GATA3: variants seen among roughly 807,000 people sequenced by gnomAD.
GATA3 encodes the protein GATA binding protein 3, also known as trans-acting T-cell-specific transcription factor GATA-3.
GATA3 carries 6 observed loss-of-function variants against 36.0 expected under a neutral mutation model. That is an observed-to-expected ratio of 0.17 (90% CI 0.09 to 0.33). The LOEUF is 0.33. Among genes scored for constraint, GATA3 ranks in the 10% least tolerant of loss-of-function variants. The pLI, the probability that GATA3 is intolerant of heterozygous loss-of-function variation, is 1.00. For synonymous variants in GATA3, 326 were observed against 273.0 expected (o/e 1.19, Z -1.92); for missense variants, 514 against 610.1 (o/e 0.84, Z 1.66).
At chr10:8,050,470 T>C (rs1832455852), upstream of GATA3, 1 of 152,974 alleles carries the variant, frequency 6.5e-6, no homozygotes, top group African/African-American at 2.4e-5. Flanking sequence ...ACCGTTTTTA[T>C]TGACCGATCG....
upstream of GATA3, chr10:8,051,416 G>A (rs1181649254): frequency 2.8e-5 from 6 of 217,446 alleles, no homozygotes. Context: ...TCGGCTGCGG[G>A]ATGCTTGCTC....
In GATA3 at chr10:8,073,945, G is replaced by A. The variant is rs11567941; in HGVS notation, c.1257G>A (p.Thr419=). The A allele has an allele frequency of 0.041, 66,517 of 1,613,952 alleles. 1,685 individuals carry two copies. The highest frequency in any genetic ancestry group is 0.05 in the Non-Finnish European group (58,457 of 1,179,980). The change falls in exon 6 of 6, where the codon ACG becomes ACA. Residue 419 remains threonine, a synonymous_variant. Coordinates refer to ENST00000379328, the MANE Select transcript of GATA3 (RefSeq NM_001002295.2). Reference sequence around the variant, plus strand: ...GCCACTCCAGCCACATGCTGACCACGCCCACGCCGATGCACCCGCCATCCA... The same window carrying A: ...GCCACTCCAGCCACATGCTGACCACACCCACGCCGATGCACCCGCCATCCA... ...PFSHSSHMLT[T]PTPMHPPSSL...
At chr10:8,063,613 G>T (rs1832784734) in intron 3 of GATA3, among the ~76,000 whole-genome samples, 2 of 152,118 alleles carry the variant, frequency 1.3e-5, no homozygotes, top group Admixed American at 6.5e-5. Context: ...GAAATGAATG[G>T]AATGTTTGCC....
At position 8,055,781 on chromosome 10, in the gene GATA3, G is replaced by A. The variant is rs1459382370; in HGVS notation, c.126G>A (p.Pro42=). 3 of 1,592,258 alleles carry A rather than the reference G, an allele frequency of 1.9e-6. No individual in the cohort carries two copies. Among genetic ancestry groups the A allele is most frequent in the Non-Finnish European group, 2.6e-6 (3 of 1,169,536 alleles). The change falls in exon 2 of 6, where the codon CCG becomes CCA. Residue 42 remains proline (P), a synonymous_variant. Coordinates refer to ENST00000379328, the MANE Select transcript of GATA3 (RefSeq NM_001002295.2). The surrounding 1 kb of genome is among the most constrained non-coding windows in gnomAD (Gnocchi z 5.4). ...CCTACATGGACGCGGCGCAGTACCC[G>A]CTGCCGGAGGAGGTGGATGTGCTTT... ...SHSYMDAAQY[P]LPEEVDVLFN...
chr10:8,060,758 ACT>A (rs1335309384), intron 3 of GATA3, among the ~76,000 whole-genome samples: 1 of 151,558 alleles, frequency 6.6e-6, no homozygotes, highest in Non-Finnish European at 1.5e-5. Context: ...TTTCCATAAG[ACT>A]CTGAACATGG....
At chr10:8,069,695 G>A (rs2131512896) in intron 5 of GATA3, 97 bp downstream of exon 5, 3 of 1,393,776 alleles carry the variant, frequency 2.2e-6, no homozygotes, top group Non-Finnish European at 2.0e-6. Flanking sequence ...CGCTCACCAT[G>A]GGGGCAGATG....
chr10:8,073,217 C>T (rs74354068), intron 5 of GATA3, among the ~76,000 whole-genome samples: 2 of 144,952 alleles, frequency 1.4e-5, no homozygotes, highest in East Asian at 4.3e-4. Context: ...AACCCGGCTA[C>T]ATATAAATTC....
At chr10:8,058,269 CCTT>C (rs769836857) in intron 2 of GATA3, 33 bp from the exon 3 acceptor site, 2 of 1,611,476 alleles carry the variant, frequency 1.2e-6, no homozygotes, top group South Asian at 2.2e-5. Context: ...CACTCACCCT[CCTT>C]CTCTCTCCTG....
At position 8,059,073 on chromosome 10, in the gene GATA3, G is replaced by A. The variant is rs11567903; in HGVS notation, c.778+232G>A. Among the ~76,000 whole-genome samples the A allele has an allele frequency of 2.5e-3, 379 of 152,300 alleles. 1 individual carries two copies. The highest frequency in any genetic ancestry group is 8.7e-3 in the African/African-American group (362 of 41,572). ...GATCTGATTTAAAACCCCCCAATGAGCTGGGATAGGAAAAAAGACAAACAA... is the reference window on the plus strand; with the variant it reads ...GATCTGATTTAAAACCCCCCAATGAACTGGGATAGGAAAAAAGACAAACAA... On this transcript the variant is annotated intron_variant, in intron 3 of 5. Transcript: ENST00000379328.
chr10:8,063,284 C>T (rs964175410), intron 3 of GATA3, among the ~76,000 whole-genome samples: 1 of 152,134 alleles, frequency 6.6e-6, no homozygotes, highest in Non-Finnish European at 1.5e-5. Flanking sequence ...CCCCCTTGCA[C>T]CCCCTGGCTG....
At chr10:8,046,426 C>G (rs542240175) in intron 1 of GATA3, among the ~76,000 whole-genome samples, 1 of 152,174 alleles carries the variant, frequency 6.6e-6, no homozygotes, top group Non-Finnish European at 1.5e-5. Flanking sequence ...TCCTTCTCTC[C>G]TCCCTATTGT....
At chr10:8,065,350 CG>C (rs1832819397) in intron 4 of GATA3, among the ~76,000 whole-genome samples, 1 of 150,350 alleles carries the variant, frequency 6.7e-6, no homozygotes, top group African/African-American at 2.5e-5. Context: ...CTCCACCTCC[CG>C]GGTTCAAGCA....
intron 3 of GATA3, among the ~76,000 whole-genome samples, chr10:8,063,452 A>G (rs1163767614): frequency 1.3e-5 from 2 of 152,228 alleles, no homozygotes; most frequent in Non-Finnish European, 2.9e-5. Context: ...CCGATTGATC[A>G]ATCTATGCAT....
upstream of GATA3, among the ~76,000 whole-genome samples, chr10:8,048,883 C>G (rs1363249350): frequency 7.1e-6 from 1 of 141,570 alleles, no homozygotes; most frequent in Non-Finnish European, 1.5e-5. Flanking sequence ...TTTTCTCAAC[C>G]GGGGAAAAGG....
At chr10:8,068,869 C>T (rs573656631) in intron 4 of GATA3, among the ~76,000 whole-genome samples, 2 of 152,342 alleles carry the variant, frequency 1.3e-5, no homozygotes, top group East Asian at 1.9e-4. Flanking sequence ...CACACACTTG[C>T]ACAGACATTC....
chr10:8,066,068 G>GTT, intron 4 of GATA3, among the ~76,000 whole-genome samples: 1 of 97,760 alleles, frequency 1.0e-5, no homozygotes, highest in African/African-American at 3.4e-5. Flanking sequence ...TGTTTTTTTT[G>GTT]TTTTTTCTGT....
chr10:8,045,600 C>G (rs1269302410), intron 1 of GATA3: 2 of 152,280 alleles, frequency 1.3e-5, no homozygotes. Flanking sequence ...GAGGCCTCCT[C>G]TCCAAAGGGC....
Position 8,074,621 on chromosome 10 carries a change from G to A in GATA3, c.*598G>A, listed in dbSNP as rs187150410. 23 of 233,902 alleles carry A rather than the reference G, an allele frequency of 9.8e-5. No homozygotes were observed. Among genetic ancestry groups the A allele is most frequent in the Middle Eastern group, 1.3e-3 (1 of 788 alleles). The allele number at this position is 233,902 out of a possible 1,614,324, so 14.5% of individuals were successfully genotyped here. A position where few individuals can be genotyped will look rare whatever the true frequency, so the allele number is the denominator to read the frequency against. On this transcript the variant is annotated 3_prime_UTR_variant, in exon 6 of 6. Transcript: ENST00000379328. The stretch of plus-strand genomic sequence containing the variant: ...CCAGTTCTGGGCAATCAGTGTTACC[G>A]TTCACCAGTTGCCGTTGAGGGTTTC...
chr10:8,070,774 T>C (rs1213635093), intron 5 of GATA3, among the ~76,000 whole-genome samples: 3 of 152,216 alleles, frequency 2.0e-5, no homozygotes, highest in African/African-American at 7.2e-5. Flanking sequence ...AGGAGCCCTG[T>C]ACGCTCATTC....
Sources: gnomAD v4.1 joint callset for allele counts (sites outside exome capture counted in the v4.1 genomes callset) on GRCh38, gnomAD v4.1.1 for gene constraint, Gnocchi (gnomAD v3.1) non-coding constraint, MANE v1.5 for transcripts, NCBI Gene and HGNC (gene_info 2026-07-23, HGNC 2026-07-21) for gene names.